The following EXD1 variants were observed in gnomAD, a reference collection of about 807,000 sequenced individuals.
The protein encoded by EXD1 is piRNA biogenesis protein EXD1.
A neutral mutation model predicts 49.1 loss-of-function variants in EXD1; 63 were observed. That is an observed-to-expected ratio of 1.28 (90% CI 1.05 to 1.58). The LOEUF is 1.58. EXD1 is among the 40% of genes most tolerant of loss of function. The pLI is 0.00. For synonymous variants in EXD1, 234 were observed against 239.2 expected, an observed-to-expected ratio of 0.98 and a Z score of 0.20; for missense variants, 748 against 666.0, an observed-to-expected ratio of 1.12 and a Z score of -1.36.
At chr15:41,203,865 C>G (rs1047219964) in intron 7 of EXD1, among the ~76,000 whole-genome samples, 6 of 120,144 alleles carry the variant, frequency 5.0e-5, no homozygotes, top group African/African-American at 2.0e-4. Context: ...TGCAGTGAGC[C>G]AAGATCGTGC....
chr15:41,216,762 C>G lies in EXD1; in HGVS notation c.294G>C (p.Met98Ile). The change falls in exon 5 of 12, where the codon ATG becomes ATC. Residue 98 changes from methionine to isoleucine, a missense_variant. By Grantham distance (10) the Met-to-Ile change is conservative. Coordinates refer to ENST00000458580, the MANE Select transcript of EXD1 (RefSeq NM_001286441.2). ...CACATACATTTAGGTCTTCAACTTT[C>G]ATTTTCTCCATCCAGGTTCTTTCTG... is the stretch of plus-strand genomic sequence containing the variant. ...LHAERTWMEK[M>I]KVEDLNVCEP... The G allele has an allele frequency of 6.2e-7, 1 of 1,613,870 alleles. No individual in the cohort carries two copies. The highest frequency in any genetic ancestry group is 8.5e-7 in the Non-Finnish European group (1 of 1,180,032).
chr15:41,192,564 G>C (rs886599055), intron 9 of EXD1, among the ~76,000 whole-genome samples: 1 of 143,106 alleles, frequency 7.0e-6, no homozygotes, highest in East Asian at 2.1e-4. Context: ...CGAAGTGTTG[G>C]GATTACAGGC....
chr15:41,204,415 G>A (rs904957152), intron 7 of EXD1, among the ~76,000 whole-genome samples: 7 of 151,866 alleles, frequency 4.6e-5, no homozygotes, highest in East Asian at 3.9e-4. Context: ...GCCGGGCATG[G>A]TGGTGGGCAC....
intron 7 of EXD1, among the ~76,000 whole-genome samples, chr15:41,201,572 C>T (rs995468391): frequency 9.3e-5 from 14 of 150,446 alleles, no homozygotes; most frequent in Non-Finnish European, 1.9e-4. Flanking sequence ...TCACTGCAAC[C>T]TCCATCTCCT....
intron 6 of EXD1, among the ~76,000 whole-genome samples, chr15:41,211,175 T>C (rs1014596801): frequency 1.3e-5 from 2 of 152,138 alleles, no homozygotes; most frequent in Non-Finnish European, 2.9e-5. Context: ...GCTATCCTCC[T>C]ACTTTAGCTT....
chr15:41,190,166 A>G, intron 10 of EXD1, 38 bp from the exon 11 acceptor site: 1 of 1,604,598 alleles, frequency 6.2e-7, no homozygotes, highest in Non-Finnish European at 8.5e-7. Context: ...AACAGTAAGC[A>G]AGACTTTAAA....
At chr15:41,190,155 G>A (rs1285404509) in intron 10 of EXD1, 27 bp from the exon 11 acceptor site, 9 of 1,610,840 alleles carry the variant, frequency 5.6e-6, no homozygotes, top group Middle Eastern at 1.6e-4. Flanking sequence ...AATTTCCTCT[G>A]AACAGTAAGC....
rs1411462441 is a variant in EXD1 at position 41,184,459 on chromosome 15, T to C, written c.1191A>G (p.Lys397=). ...LLIRTVLQPK[K]LVTETAGKEE... is the part of the protein sequence containing the mutation. Reference sequence around the variant, plus strand: ...CTTTCCCTGCTGTCTCTGTCACTAATTTCTTTGGCTGTAGCACTGTCCTTA... The same window carrying C: ...CTTTCCCTGCTGTCTCTGTCACTAACTTCTTTGGCTGTAGCACTGTCCTTA... Residue 397 remains lysine (K), a synonymous_variant, in exon 12 of 12, where the codon AAA becomes AAG. Transcript: ENST00000458580. 14 of 1,614,074 alleles carry C rather than the reference T, an allele frequency of 8.7e-6. No homozygotes were observed. The highest frequency in any genetic ancestry group is 1.3e-5 in the African/African-American group (1 of 74,924).
intron 10 of EXD1, among the ~76,000 whole-genome samples, 186 bp downstream of exon 10, chr15:41,191,256 A>G (rs935138390): frequency 2.0e-5 from 3 of 152,170 alleles, no homozygotes; most frequent in Admixed American, 2.0e-4. Flanking sequence ...TAGCTAACAA[A>G]TCTGGATCCT....
At chr15:41,206,988 C>T (rs1337120032) in intron 7 of EXD1, among the ~76,000 whole-genome samples, 3 of 140,640 alleles carry the variant, frequency 2.1e-5, no homozygotes, top group African/African-American at 7.9e-5. Flanking sequence ...TGGTGGCTCA[C>T]ACCCAGCACT....
rs2047228328 is a variant in EXD1 at position 41,230,658 on chromosome 15, GT to G, written c.-234del. 21 of 1,187,978 alleles carry G rather than the reference GT, an allele frequency of 1.8e-5. No individual in the cohort carries two copies. The highest frequency in any genetic ancestry group is 2.0e-5 in the Non-Finnish European group (17 of 836,546). 73.6% of individuals were successfully genotyped at this position (1,187,978 alleles called of 1,614,324 possible). On this transcript the variant is annotated 5_prime_UTR_variant, in exon 1 of 12. Coordinates refer to ENST00000458580, the MANE Select transcript of EXD1 (RefSeq NM_001286441.2). ...GGACGCTCCACGCCACCCGGCGGCG[GT>G]TATCAAATCACAGGCTGAAAACCTG...
At chr15:41,210,638 C>G (rs183856990) in intron 6 of EXD1, among the ~76,000 whole-genome samples, 3 of 151,318 alleles carry the variant, frequency 2.0e-5, no homozygotes, top group East Asian at 3.9e-4. Context: ...TGCAGTGAGC[C>G]ATGATGATGC....
chr15:41,217,293 C>T (rs2047014971), intron 3 of EXD1, 139 bp from the exon 4 acceptor site: 2 of 667,384 alleles, frequency 3.0e-6, no homozygotes, highest in Admixed American at 5.5e-5. Flanking sequence ...GAGGCTTTTA[C>T]TGGCCAGCAA....
intron 9 of EXD1, among the ~76,000 whole-genome samples, chr15:41,193,320 T>C (rs1164438869): frequency 6.6e-6 from 1 of 152,232 alleles, no homozygotes; most frequent in Non-Finnish European, 1.5e-5. Flanking sequence ...AATTCAAGAA[T>C]TATTTTTAGT....
At chr15:41,216,460 C>T (rs1426387929) in intron 5 of EXD1, among the ~76,000 whole-genome samples, 5 of 151,884 alleles carry the variant, frequency 3.3e-5, no homozygotes, top group East Asian at 1.9e-4. Flanking sequence ...GGAGAAACCC[C>T]GTCTCTACTA....
intron 7 of EXD1, 107 bp from the exon 8 acceptor site, chr15:41,196,144 C>CTTTA (rs901560762): frequency 7.4e-5 from 58 of 780,522 alleles, no homozygotes; most frequent in Non-Finnish European, 8.5e-5. Flanking sequence ...AACATCTTCA[C>CTTTA]TTTATTTATT....
chr15:41,195,801 A>G lies in EXD1; in HGVS notation c.694T>C (p.Leu232=). ...TGTGTGTCAAAGACATTATTCAGCA[A>G]AATTCCATACTGATGAGAGAGGCAA... ...SDCLSHQYGI[L]LNNVFDTQVA... Residue 232 remains leucine (L), a synonymous_variant, in exon 9 of 12, where the codon TTG becomes CTG. Coordinates refer to ENST00000458580, the MANE Select transcript of EXD1 (RefSeq NM_001286441.2). 6.2e-7 allele frequency: 1 copy of G among 1,613,754 alleles called. No homozygotes were observed. Among genetic ancestry groups the G allele is most frequent in the African/African-American group, 1.3e-5 (1 of 75,046 alleles).
chr15:41,185,271 A>G (rs1201889859), intron 11 of EXD1, among the ~76,000 whole-genome samples: 1 of 147,482 alleles, frequency 6.8e-6, no homozygotes, highest in African/African-American at 2.5e-5. Flanking sequence ...ATATTTTTTC[A>G]TTGGATTACA....
At position 41,195,926 on chromosome 15, in the gene EXD1, T is replaced by G. The variant is rs1044870493; in HGVS notation, c.639+7A>C. On this transcript the variant is annotated splice_region_variant and intron_variant, in intron 8 of 11. Coordinates refer to ENST00000458580, the MANE Select transcript of EXD1 (RefSeq NM_001286441.2). ...TTAATAGCACAGGAATCAGTTTATA[T>G]ACTTACCTTCAAAATTCTCTTGTCT... is the stretch of plus-strand genomic sequence containing the variant. The G allele has an allele frequency of 1.2e-6, 2 of 1,610,384 alleles. No individual in the cohort carries two copies. Among genetic ancestry groups the G allele is most frequent in the African/African-American group, 2.7e-5 (2 of 74,764 alleles).
Sources: allele counts gnomAD v4.1 joint callset (sites outside exome capture counted in the v4.1 genomes callset), GRCh38; gene constraint gnomAD v4.1.1; transcripts MANE v1.5; gene names NCBI Gene and HGNC (gene_info 2026-07-23, HGNC 2026-07-21).